Variants in ERCC3 observed in about 807,000 individuals in gnomAD.
The protein encoded by ERCC3 is ERCC excision repair 3, TFIIH core complex helicase subunit.
A neutral mutation model predicts 94.2 loss-of-function variants in ERCC3; 66 were observed. The observed-to-expected ratio is 0.70, with a 90% CI of 0.57 to 0.86. ERCC3 has a LOEUF of 0.86. Ranked by LOEUF, ERCC3 falls within the 40% of genes least tolerant of loss-of-function variation. The probability of loss-of-function intolerance (pLI) is 0.00; values close to 1 mark genes in which losing one functional copy is unlikely to be tolerated. For synonymous variants in ERCC3, 349 were observed against 369.1 expected, an observed-to-expected ratio of 0.95 and a Z score of 0.63; for missense variants, 829 against 987.1, an observed-to-expected ratio of 0.84 and a Z score of 2.15.
chr2:127,283,892 C>G (rs1684992058), intron 8 of ERCC3, among the ~76,000 whole-genome samples: 1 of 152,128 alleles, frequency 6.6e-6, no homozygotes, highest in Non-Finnish European at 1.5e-5. Context: ...TTTCTTTGGC[C>G]TATTTCTTAA....
At position 127,257,799 on chromosome 2, in the gene ERCC3, C is replaced by T; in HGVS notation, c.2218-72G>A. ...ATACTCCTTTTATAATACTTATAAT[C>T]ACAGCAAATTTTATAAGACTTACAT... On this transcript the variant is annotated intron_variant, in intron 14 of 14. Coordinates refer to ENST00000285398, the MANE Select transcript of ERCC3 (RefSeq NM_000122.2). This position sits in a 1 kb window ranked among gnomAD's most constrained non-coding sequence, Gnocchi z 5.4. 3.9e-6 allele frequency: 6 copies of T among 1,522,358 alleles called. No homozygotes were observed. Among genetic ancestry groups the T allele is most frequent in the Non-Finnish European group, 5.5e-6 (6 of 1,100,424 alleles). 94.3% of individuals were successfully genotyped at this position (1,522,358 alleles called of 1,614,324 possible).
In ERCC3 at chr2:127,291,068, C is replaced by A. The variant is rs929153989; in HGVS notation, c.472-795G>T. ...CTGCTATCCAGCCTGGGCGACAGAG[C>A]AAGACTCCGTCTCAAAAAAAAAGAA... On this transcript the variant is annotated intron_variant, in intron 3 of 14. Transcript: ENST00000285398. This position sits in a 1 kb window ranked among gnomAD's most constrained non-coding sequence, Gnocchi z 4.9. 1.8e-4 allele frequency among the ~76,000 whole-genome samples: 28 copies of A among 151,714 alleles called. No homozygotes were observed. The highest frequency in any genetic ancestry group is 6.8e-4 in the African/African-American group (28 of 41,238).
At chr2:127,260,720 C>A in intron 13 of ERCC3, 1 of 169,414 alleles carries the variant, frequency 5.9e-6, no homozygotes. Flanking sequence ...CTCCATCTAT[C>A]CCCAAAATAT....
At chr2:127,263,830 C>T (rs1236967235) in intron 12 of ERCC3, among the ~76,000 whole-genome samples, 2 of 151,910 alleles carry the variant, frequency 1.3e-5, no homozygotes, top group Non-Finnish European at 2.9e-5. Context: ...GCTTCAGCCT[C>T]CCAAGTAGCT....
intron 10 of ERCC3, among the ~76,000 whole-genome samples, chr2:127,276,865 C>A (rs1358460614): frequency 6.6e-6 from 1 of 152,156 alleles, no homozygotes; most frequent in African/African-American, 2.4e-5. Flanking sequence ...CCACAGCAGA[C>A]AACACACTGA....
At position 127,293,519 on chromosome 2, in the gene ERCC3, G is replaced by A; in HGVS notation, c.228C>T (p.Leu76=). 1 of 1,614,076 alleles carries A rather than the reference G, an allele frequency of 6.2e-7. No individual in the cohort carries two copies. The highest frequency in any genetic ancestry group is 1.1e-5 in the South Asian group (1 of 91,084). The change falls in exon 2 of 15, where the codon CTC becomes CTT. Residue 76 remains leucine (L), a synonymous_variant. Coordinates refer to ENST00000285398, the MANE Select transcript of ERCC3 (RefSeq NM_000122.2). ...PLKDDHTSRP[L]WVAPDGHIFL... is the part of the protein sequence containing the mutation. Reference sequence around the variant, plus strand: ...AAGCTAAGGGCATGCTTACCACCCAGAGGGGCCTGGAGGTGTGGTCGTCCT... The same window carrying A: ...AAGCTAAGGGCATGCTTACCACCCAAAGGGGCCTGGAGGTGTGGTCGTCCT...
chr2:127,276,187 A>G (rs1160856788), intron 10 of ERCC3, among the ~76,000 whole-genome samples: 1 of 152,114 alleles, frequency 6.6e-6, no homozygotes, highest in Non-Finnish European at 1.5e-5. Context: ...AAAATTCCTC[A>G]CTGAAGAAAC....
At chr2:127,290,392 C>A in intron 3 of ERCC3, 119 bp from the exon 4 acceptor site, 2 of 861,814 alleles carry the variant, frequency 2.3e-6, no homozygotes, top group African/African-American at 1.6e-5. Flanking sequence ...TAGGGAAACC[C>A]AACTTGCAAT....
chr2:127,289,763 G>A lies in ERCC3; in HGVS notation c.583C>T (p.Arg195Ter), dbSNP rs138385061. ...IQHLLQDPVI[R>*]ECRLRNSEGE... is the part of the protein sequence containing the mutation. ...TCAGAGTTTCTTAAGCGGCATTCTC[G>A]GATCACGGGGTCCTGGAGAAGATGC... is the stretch of plus-strand genomic sequence containing the variant. Residue 195 changes from arginine (R) to a stop codon, truncating the protein, a stop_gained, in exon 5 of 15, where the codon CGA (arginine) becomes TGA (stop). Coordinates refer to ENST00000285398, the MANE Select transcript of ERCC3 (RefSeq NM_000122.2). LOFTEE classifies it high-confidence loss of function. The A allele has an allele frequency of 6.8e-6, 11 of 1,613,944 alleles. No individual in the cohort carries two copies. The highest frequency in any genetic ancestry group is 8.5e-6 in the Non-Finnish European group (10 of 1,179,990).
intron 1 of ERCC3, 144 bp downstream of exon 1, chr2:127,293,910 C>T: frequency 1.3e-6 from 2 of 1,524,536 alleles, no homozygotes; most frequent in East Asian, 2.4e-5. Context: ...GCATCTCTCC[C>T]GCCCAAAGGC....
chr2:127,285,019 T>A (rs1311051761), intron 8 of ERCC3, among the ~76,000 whole-genome samples: 1 of 152,152 alleles, frequency 6.6e-6, no homozygotes, highest in African/African-American at 2.4e-5. Flanking sequence ...CCTTAATCTG[T>A]TTTTATCAAA....
rs532525927 is a variant in ERCC3 at position 127,279,111 on chromosome 2, T to C, written c.1730+62A>G. On this transcript the variant is annotated intron_variant, in intron 10 of 14. Coordinates refer to ENST00000285398, the MANE Select transcript of ERCC3 (RefSeq NM_000122.2). The surrounding 1 kb of genome is among the most constrained non-coding windows in gnomAD (Gnocchi z 4.7). Reference sequence around the variant, plus strand: ...CAAAAAAACAAAACAACAGCCACCTTCTGCACTCTCAATGGGGAAGAGAAA... The same window carrying C: ...CAAAAAAACAAAACAACAGCCACCTCCTGCACTCTCAATGGGGAAGAGAAA... The C allele has an allele frequency of 1.1e-5, 12 of 1,118,970 alleles. No homozygotes were observed. Among genetic ancestry groups the C allele is most frequent in the Non-Finnish European group, 1.5e-5 (11 of 734,212 alleles). 69.3% of individuals were successfully genotyped at this position (1,118,970 alleles called of 1,614,324 possible).
At chr2:127,268,399 C>T (rs886825762) in intron 12 of ERCC3, among the ~76,000 whole-genome samples, 19 of 152,100 alleles carry the variant, frequency 1.2e-4, no homozygotes, top group Admixed American at 9.8e-4. Flanking sequence ...GCTGGGACTA[C>T]AGGCGCACAC....
chr2:127,292,849 G>A lies in ERCC3; in HGVS notation c.235-3C>T. Reference sequence around the variant, plus strand: ...AAGAAGATATGGCCATCGGGAGCCTGAGAGATACCAAATGGACAAAACAGA... The same window carrying A: ...AAGAAGATATGGCCATCGGGAGCCTAAGAGATACCAAATGGACAAAACAGA... On this transcript the variant is annotated splice_polypyrimidine_tract_variant and splice_region_variant and intron_variant, in intron 2 of 14. Coordinates refer to ENST00000285398, the MANE Select transcript of ERCC3 (RefSeq NM_000122.2). 5 of 1,581,384 alleles carry A rather than the reference G, an allele frequency of 3.2e-6. No individual in the cohort carries two copies. Among genetic ancestry groups the A allele is most frequent in the Non-Finnish European group, 4.3e-6 (5 of 1,151,512 alleles).
chr2:127,292,779 A>C lies in ERCC3; in HGVS notation c.302T>G (p.Val101Gly). The C allele has an allele frequency of 6.2e-7, 1 of 1,613,968 alleles. No homozygotes were observed. Among genetic ancestry groups the C allele is most frequent in the Non-Finnish European group, 8.5e-7 (1 of 1,180,020 alleles). Residue 101 changes from valine to glycine, a missense_variant, in exon 3 of 15, where the codon GTG becomes GGG. Physicochemically the swap from Val to Gly is moderately radical, Grantham distance 109. Coordinates refer to ENST00000285398, the MANE Select transcript of ERCC3 (RefSeq NM_000122.2). The part of the protein sequence containing the change: ...PVYKYAQDFL[V>G]AIAEPVCRPT... ...TCGGCACACTGGCTCTGCAATAGCC[A>C]CCAAGAAGTCTTGGGCATATTTGTA...
At chr2:127,290,118 A>C in intron 4 of ERCC3, 106 bp downstream of exon 4, 1 of 975,490 alleles carries the variant, frequency 1.0e-6, no homozygotes. Flanking sequence ...TCTGTGCTTC[A>C]CAGAAAAGAC....
Position 127,263,551 on chromosome 2 carries a change from G to A in ERCC3, c.1946-2205C>T, listed in dbSNP as rs555722444. Reference sequence around the variant, plus strand: ...GAGTCTTTAGGGTTTTCTAGGTATAGAATCACATCATTAGGGAAGACAGAT... The same window carrying A: ...GAGTCTTTAGGGTTTTCTAGGTATAAAATCACATCATTAGGGAAGACAGAT... On this transcript the variant is annotated intron_variant, in intron 12 of 14. Transcript: ENST00000285398. 3.0e-4 allele frequency among the ~76,000 whole-genome samples: 46 copies of A among 152,218 alleles called. No homozygotes were observed. In the South Asian group the frequency reaches 8.9e-3, roughly 30 times the overall value.
intron 8 of ERCC3, among the ~76,000 whole-genome samples, chr2:127,282,440 G>A (rs2104764656): frequency 6.6e-6 from 1 of 152,226 alleles, no homozygotes; most frequent in African/African-American, 2.4e-5. Flanking sequence ...AATGAAACTG[G>A]CACAGTACCT....
At chr2:127,288,529 A>G (rs1685155798) in intron 7 of ERCC3, 131 bp downstream of exon 7, 5 of 841,438 alleles carry the variant, frequency 5.9e-6, no homozygotes, top group Non-Finnish European at 1.0e-5. Flanking sequence ...CAAGTCATGA[A>G]TCAGGGAGTC....
Sources: gnomAD v4.1 joint callset for allele counts (sites outside exome capture counted in the v4.1 genomes callset) on GRCh38, gnomAD v4.1.1 for gene constraint, Gnocchi (gnomAD v3.1) non-coding constraint, MANE v1.5 for transcripts, NCBI Gene and HGNC (gene_info 2026-07-23, HGNC 2026-07-21) for gene names.